ANKRD31: variants seen among roughly 807,000 people sequenced by gnomAD.
ANKRD31 encodes ankyrin repeat domain 31.
In ANKRD31, 147 loss-of-function variants were observed where a neutral mutation model predicts 186.0. The observed-to-expected ratio is 0.79, with a 90% confidence interval of 0.69 to 0.91. The LOEUF is 0.91. Among genes scored for constraint, ANKRD31 ranks in the 40% least tolerant of loss-of-function variants. The probability of loss-of-function intolerance (pLI) is 0.00; values close to 1 mark genes in which losing one functional copy is unlikely to be tolerated. For synonymous variants in ANKRD31, 673 were observed against 736.4 expected (o/e 0.91, Z 1.39); for missense variants, 1,986 against 2,148.8 (o/e 0.92, Z 1.50).
intron 15 of ANKRD31, among the ~76,000 whole-genome samples, chr5:75,143,026 A>G (rs1332049692): frequency 1.3e-5 from 2 of 152,164 alleles, no homozygotes; most frequent in African/African-American, 4.8e-5. Flanking sequence ...CAAAGTGTCA[A>G]CGGGGCTGTA....
At chr5:75,112,765 T>C (rs909559845) in intron 19 of ANKRD31, among the ~76,000 whole-genome samples, 165 bp from the exon 20 acceptor site, 3 of 152,238 alleles carry the variant, frequency 2.0e-5, no homozygotes, top group African/African-American at 7.2e-5. Flanking sequence ...AGCTTAACTG[T>C]ATAAATGTTG....
At chr5:75,231,941 ACACACAC>A (rs1757978658) in intron 1 of ANKRD31, among the ~76,000 whole-genome samples, 1 of 141,134 alleles carries the variant, frequency 7.1e-6, no homozygotes, top group South Asian at 2.3e-4. Flanking sequence ...ACACACACAC[ACACACAC>A]AACTTTCTAA....
chr5:75,096,309 G>A (rs1459356532), intron 22 of ANKRD31, among the ~76,000 whole-genome samples: 1 of 152,084 alleles, frequency 6.6e-6, no homozygotes, highest in Non-Finnish European at 1.5e-5. Context: ...CCACATGAAT[G>A]TCTTCTTTTG....
rs201635783 is a variant in ANKRD31, at chr5:75,188,575, A to G, written c.1482T>C (p.Tyr494=). The G allele has an allele frequency of 3.6e-5, 55 of 1,536,096 alleles. No homozygotes were observed. The East Asian group carries it at 8.8e-4, about 25-fold the overall frequency. The change falls in exon 10 of 26, where the codon TAT becomes TAC. Residue 494 remains tyrosine (Y), a synonymous_variant. Coordinates refer to ENST00000506364, the MANE Select transcript of ANKRD31 (RefSeq NM_001372053.1). Reference sequence around the variant, plus strand: ...CAGCATCATCGTGTAGAGCAGCCTTATATACTAAGTTCTCTCCAAAAATGT... The same window carrying G: ...CAGCATCATCGTGTAGAGCAGCCTTGTATACTAAGTTCTCTCCAAAAATGT... ...RRNIFGENLV[Y]KAALHDDADL...
intron 10 of ANKRD31, among the ~76,000 whole-genome samples, chr5:75,179,778 A>T (rs1754133569): frequency 6.6e-6 from 1 of 152,208 alleles, no homozygotes; most frequent in Admixed American, 6.5e-5. Context: ...CCAATATCAT[A>T]CTGAATGGAC....
chr5:75,142,597 T>TGG (rs1751128902), intron 15 of ANKRD31, among the ~76,000 whole-genome samples: 5 of 152,154 alleles, frequency 3.3e-5, no homozygotes, highest in African/African-American at 1.2e-4. Flanking sequence ...CTTTGATATC[T>TGG]TTCATATTGG....
At chr5:75,176,388 G>T (rs567307808) in intron 10 of ANKRD31, among the ~76,000 whole-genome samples, 1 of 152,286 alleles carries the variant, frequency 6.6e-6, no homozygotes, top group East Asian at 1.9e-4. Context: ...GAGAGTAGTG[G>T]TTCTCCCAGC....
chr5:75,169,586 T>C lies in ANKRD31; in HGVS notation c.1565-465A>G, dbSNP rs553138969. On this transcript the variant is annotated intron_variant, in intron 10 of 25. Transcript: ENST00000506364. ...CTCCTTCTTTACAAAAAGCTATTTA[T>C]AGTAGTTTAACAAACCACAAACTGC... is the stretch of plus-strand genomic sequence containing the variant. 2.0e-5 allele frequency among the ~76,000 whole-genome samples: 3 copies of C among 152,320 alleles called. No homozygotes were observed. In the East Asian group the frequency reaches 5.8e-4, roughly 29 times the overall value.
intron 3 of ANKRD31, among the ~76,000 whole-genome samples, chr5:75,213,936 TCA>T (rs1355573014): frequency 1.3e-5 from 2 of 152,228 alleles, no homozygotes; most frequent in Non-Finnish European, 2.9e-5. Flanking sequence ...ACTGAATGTC[TCA>T]CACAAACTAC....
intron 11 of ANKRD31, among the ~76,000 whole-genome samples, chr5:75,163,665 A>G (rs1752724964): frequency 6.6e-6 from 1 of 152,214 alleles, no homozygotes; most frequent in Non-Finnish European, 1.5e-5. Context: ...CCTGGACTTG[A>G]AAGAATTTTA....
chr5:75,097,757 C>T lies in ANKRD31; in HGVS notation c.5332-6356G>A, dbSNP rs193174847. On this transcript the variant is annotated intron_variant, in intron 22 of 25. Coordinates refer to ENST00000506364, the MANE Select transcript of ANKRD31 (RefSeq NM_001372053.1). Reference sequence around the variant, plus strand: ...CATGCCTATGTCCTGAATGGTATTGCCTAGGTTTTCTTCTAGGGTTTTTAT... The same window carrying T: ...CATGCCTATGTCCTGAATGGTATTGTCTAGGTTTTCTTCTAGGGTTTTTAT... 6.6e-3 allele frequency among the ~76,000 whole-genome samples: 1,005 copies of T among 152,172 alleles called. 15 individuals carry two copies. The highest frequency in any genetic ancestry group is 0.062 in the East Asian group (318 of 5,162).
intron 4 of ANKRD31, among the ~76,000 whole-genome samples, chr5:75,208,511 A>AAAAAT (rs1189170373): frequency 1.3e-5 from 2 of 152,134 alleles, no homozygotes; most frequent in Non-Finnish European, 2.9e-5. Context: ...AGCTTCTTGA[A>AAAAAT]AAAATAAAAT....
intron 10 of ANKRD31, among the ~76,000 whole-genome samples, chr5:75,181,965 CTG>C (rs1754343151): frequency 6.6e-6 from 1 of 151,810 alleles, no homozygotes; most frequent in Non-Finnish European, 1.5e-5. Context: ...ATAAAACACA[CTG>C]TTGTCTATAA....
In ANKRD31 at chr5:75,119,237, A is replaced by G. The variant is rs148073929; in HGVS notation, c.3877-940T>C. Among the ~76,000 whole-genome samples the G allele has an allele frequency of 5.9e-4, 89 of 152,060 alleles. 1 individual carries two copies. Among genetic ancestry groups the G allele is most frequent in the African/African-American group, 2.0e-3 (85 of 41,480 alleles). ...ATAGTACTCAACAGAGAGTTTTTCAACTCTTGCCGTCCTCCCTCTCTCCCC... is the reference window on the plus strand; with the variant it reads ...ATAGTACTCAACAGAGAGTTTTTCAGCTCTTGCCGTCCTCCCTCTCTCCCC... On this transcript the variant is annotated intron_variant, in intron 17 of 25. Coordinates refer to ENST00000506364, the MANE Select transcript of ANKRD31 (RefSeq NM_001372053.1).
chr5:75,158,492 G>C (rs1205001353), intron 11 of ANKRD31, among the ~76,000 whole-genome samples: 1 of 152,144 alleles, frequency 6.6e-6, no homozygotes, highest in African/African-American at 2.4e-5. Flanking sequence ...TAAATGTCCA[G>C]TTTTGGCCGG....
At chr5:75,210,129 C>T (rs1379628267) in intron 4 of ANKRD31, among the ~76,000 whole-genome samples, 1 of 152,016 alleles carries the variant, frequency 6.6e-6, no homozygotes, top group African/African-American at 2.4e-5. Context: ...ACTGAAAGGA[C>T]AGTTTCTTTC....
intron 10 of ANKRD31, among the ~76,000 whole-genome samples, chr5:75,177,721 C>G (rs1386563552): frequency 6.6e-6 from 1 of 152,138 alleles, no homozygotes; most frequent in African/African-American, 2.4e-5. Context: ...CCTAAAAGAG[C>G]TCCTGAAGGA....
chr5:75,225,424 C>T (rs73116844), intron 2 of ANKRD31: 8,475 of 160,738 alleles, frequency 0.053, 530 homozygotes, highest in African/African-American at 0.15. Context: ...TTTTGTTGAC[C>T]AAGGAGTCAA....
At chr5:75,222,185 GC>G in intron 3 of ANKRD31, 63 bp downstream of exon 3, 1 of 1,140,188 alleles carries the variant, frequency 8.8e-7, no homozygotes, top group Admixed American at 3.0e-5. Context: ...TTAGTAATTT[GC>G]CACTCTGAGC....
Sources: gnomAD v4.1 joint callset for allele counts (sites outside exome capture counted in the v4.1 genomes callset) on GRCh38, gnomAD v4.1.1 for gene constraint, MANE v1.5 for transcripts, NCBI Gene and HGNC (gene_info 2026-07-23, HGNC 2026-07-21) for gene names.